Variants in TMEM100 observed in about 807,000 individuals in gnomAD.
TMEM100 encodes transmembrane protein 100.
For synonymous variants in TMEM100, 61 were observed against 67.1 expected (o/e 0.91, Z 0.44); for missense variants, 137 against 168.2 (o/e 0.81, Z 1.02).
intron 1 of TMEM100, chr17:55,731,616 C>A (rs185454159): frequency 3.3e-5 from 5 of 152,296 alleles, no homozygotes; most frequent in East Asian, 1.9e-4. Context: ...CTGTAGGAAG[C>A]CTCTTTTTTA....
chr17:55,731,508 T>A (rs1376665660), intron 1 of TMEM100, among the ~76,000 whole-genome samples: 1 of 152,016 alleles, frequency 6.6e-6, no homozygotes, highest in African/African-American at 2.4e-5. Context: ...TATTCTTTTC[T>A]TAGAAAAAAA....
chr17:55,720,118 AT>A lies in TMEM100; in HGVS notation c.*547del, dbSNP rs1908815612. 1 of 152,728 alleles carries A rather than the reference AT, an allele frequency of 6.5e-6. No homozygotes were observed. The highest frequency in any genetic ancestry group is 1.5e-5 in the Non-Finnish European group (1 of 68,238). 9.5% of individuals were successfully genotyped at this position (152,728 alleles called of 1,614,324 possible). On this transcript the variant is annotated 3_prime_UTR_variant, in exon 2 of 2. Transcript: ENST00000424486. ...ACTGTCCAATGTTAAAATATAAAAAATATTACTTTTCAAGATAAAGTACCAC... is the reference window on the plus strand; with the variant it reads ...ACTGTCCAATGTTAAAATATAAAAAAATTACTTTTCAAGATAAAGTACCAC...
At chr17:55,727,221 C>A (rs1303851019), upstream of TMEM100, among the ~76,000 whole-genome samples, 1 of 152,202 alleles carries the variant, frequency 6.6e-6, no homozygotes, top group African/African-American at 2.4e-5. Flanking sequence ...CACCGAAACT[C>A]CTGCCATCCT....
intron 1 of TMEM100, among the ~76,000 whole-genome samples, chr17:55,728,524 A>G (rs527441546): frequency 1.3e-5 from 2 of 152,344 alleles, no homozygotes; most frequent in South Asian, 2.1e-4. Context: ...AAGATGCCAT[A>G]GCAGTCAGGC....
In TMEM100 at chr17:55,720,804, G is replaced by T. The variant is rs760293224; in HGVS notation, c.267C>A (p.Gly89=). The T allele has an allele frequency of 1.4e-5, 22 of 1,614,192 alleles. No individual in the cohort carries two copies. In the Middle Eastern group the frequency reaches 1.5e-3, roughly 109 times the overall value. Residue 89 remains glycine, a synonymous_variant, in exon 2 of 2, where the codon GGC becomes GGA. Coordinates refer to ENST00000424486, the MANE Select transcript of TMEM100 (RefSeq NM_018286.3). ...NSHGSIISIF[G]LVVLSSGLFL... is the part of the protein sequence containing the mutation. Reference sequence around the variant, plus strand: ...AAAGTCCAGATGACAGAACAACCAGGCCAAAGATGGAGATAATAGACCCAT... The same window carrying T: ...AAAGTCCAGATGACAGAACAACCAGTCCAAAGATGGAGATAATAGACCCAT...
At chr17:55,723,081 C>G (rs1037835419), upstream of TMEM100, 1 of 152,346 alleles carries the variant, frequency 6.6e-6, no homozygotes, top group Non-Finnish European at 1.5e-5. Flanking sequence ...ATTTACTAAG[C>G]GGACTGCTTT....
intron 1 of TMEM100, 106 bp from the exon 2 acceptor site, chr17:55,721,241 T>C: frequency 1.4e-6 from 1 of 709,644 alleles, no homozygotes; most frequent in South Asian, 3.0e-5. Context: ...CACAGATCCA[T>C]GTGAAAAGCA....
upstream of TMEM100, among the ~76,000 whole-genome samples, chr17:55,724,012 A>C (rs1908995368): frequency 6.6e-6 from 1 of 152,102 alleles, no homozygotes; most frequent in Non-Finnish European, 1.5e-5. Context: ...CTCATCCTAC[A>C]CTCTGTAGTT....
At position 55,731,034 on chromosome 17, in the gene TMEM100, C is replaced by T. The variant is rs1339021923; in HGVS notation, c.-359+637G>A. On this transcript the variant is annotated intron_variant, in intron 1 of 3. Coordinates refer to the TMEM100 transcript ENST00000575734. ...GAACACGATGTTTCTTCCATCAGGG[C>T]ACACAGAAGGGCACCGAGTCTACTT... Among the ~76,000 whole-genome samples, 6 of 152,280 alleles carry T rather than the reference C, an allele frequency of 3.9e-5. No individual in the cohort carries two copies. In the South Asian group the frequency reaches 1.2e-3, roughly 32 times the overall value.
chr17:55,727,011 T>C (rs1266816630), upstream of TMEM100, among the ~76,000 whole-genome samples: 2 of 152,198 alleles, frequency 1.3e-5, no homozygotes, highest in African/African-American at 4.8e-5. Context: ...CATTTGAATA[T>C]AGAAAGGGAA....
chr17:55,722,106 CA>C (rs1263158405), intron 1 of TMEM100, among the ~76,000 whole-genome samples: 1 of 152,196 alleles, frequency 6.6e-6, no homozygotes, highest in Non-Finnish European at 1.5e-5. Context: ...CTGAACATTT[CA>C]GGACAAAGCT....
Position 55,720,609 on chromosome 17 carries a change from G to T in TMEM100, c.*57C>A. The stretch of plus-strand genomic sequence containing the variant: ...CCCACCATGGTTCTGGGTGAATTGG[G>T]TGACAAAGTCAGAGCACGTTTTCCA... On this transcript the variant is annotated 3_prime_UTR_variant, in exon 2 of 2. Coordinates refer to ENST00000424486, the MANE Select transcript of TMEM100 (RefSeq NM_018286.3). The T allele has an allele frequency of 1.3e-6, 2 of 1,539,588 alleles. No individual in the cohort carries two copies. The highest frequency in any genetic ancestry group is 1.3e-5 in the South Asian group (1 of 77,096).
intron 1 of TMEM100, chr17:55,721,438 C>G (rs1447772308): frequency 5.3e-6 from 1 of 189,380 alleles, no homozygotes; most frequent in South Asian, 1.4e-4. Flanking sequence ...CCTCTGAATA[C>G]ACAGAAATGC....
At chr17:55,723,777 T>A (rs1908986080), upstream of TMEM100, among the ~76,000 whole-genome samples, 1 of 152,192 alleles carries the variant, frequency 6.6e-6, no homozygotes, top group East Asian at 1.9e-4. Flanking sequence ...GAGACCTCTG[T>A]TCCTTGGCCC....
At chr17:55,725,292 G>T (rs577736381), upstream of TMEM100, among the ~76,000 whole-genome samples, 1 of 152,208 alleles carries the variant, frequency 6.6e-6, no homozygotes, top group African/African-American at 2.4e-5. Flanking sequence ...CCTTATTTCT[G>T]CGAGCCCTCT....
At chr17:55,725,367 T>C (rs1303803662), upstream of TMEM100, among the ~76,000 whole-genome samples, 1 of 152,154 alleles carries the variant, frequency 6.6e-6, no homozygotes, top group Non-Finnish European at 1.5e-5. Context: ...GGAGACTCCT[T>C]TAAGTTTGGA....
upstream of TMEM100, chr17:55,722,894 T>A (rs1217314274): frequency 6.6e-6 from 1 of 152,226 alleles, no homozygotes; most frequent in Non-Finnish European, 1.5e-5. Context: ...TCTCTTTTTA[T>A]TCCCTCCCCC....
At position 55,720,546 on chromosome 17, in the gene TMEM100, C is replaced by CCAA; in HGVS notation, c.*119_*120insTTG. The CCAA allele has an allele frequency of 3.4e-6, 4 of 1,164,964 alleles. No individual in the cohort carries two copies. Among genetic ancestry groups the CCAA allele is most frequent in the South Asian group, 1.5e-5 (1 of 65,638 alleles). 72.2% of individuals were successfully genotyped at this position (1,164,964 alleles called of 1,614,324 possible). A position where few individuals can be genotyped will look rare whatever the true frequency, so the allele number is the denominator to read the frequency against. ...AGAAGCCCCTCCACCCTCCCACCCC[C>CCAA]ATTCTTCCAGTCTGCTCCAACGCCA... On this transcript the variant is annotated 3_prime_UTR_variant, in exon 2 of 2. Coordinates refer to ENST00000424486, the MANE Select transcript of TMEM100 (RefSeq NM_018286.3).
chr17:55,720,734 T>C lies in TMEM100; in HGVS notation c.337A>G (p.Ser113Gly). 1.2e-6 allele frequency: 2 copies of C among 1,614,126 alleles called. No homozygotes were observed. The highest frequency in any genetic ancestry group is 1.7e-6 in the Non-Finnish European group (2 of 1,180,018). ...CTCTCCCGTCTCTTGGCTTTCTTGC[T>C]CCTTTGTCTCACTTTCCAGCACAAG... is the stretch of plus-strand genomic sequence containing the variant. ...SALCWKVRQR[S>G]KKAKRRESQT... is the part of the protein sequence containing the mutation. Residue 113 changes from serine to glycine, a missense_variant, in exon 2 of 2, where the codon AGC (serine) becomes GGC (glycine). Coordinates refer to ENST00000424486, the MANE Select transcript of TMEM100 (RefSeq NM_018286.3).
Sources: gnomAD v4.1 joint callset for allele counts (sites outside exome capture counted in the v4.1 genomes callset) on GRCh38, gnomAD v4.1.1 for gene constraint, MANE v1.5 for transcripts, NCBI Gene and HGNC (gene_info 2026-07-23, HGNC 2026-07-21) for gene names.